Variants in RAB40C observed in about 807,000 individuals in gnomAD.
The protein encoded by RAB40C is ras-related protein Rab-40C.
A neutral mutation model predicts 28.1 loss-of-function variants in RAB40C; 8 were observed. The ratio of observed to expected loss-of-function variants is 0.28; its 90% CI spans 0.17 to 0.51. RAB40C has a LOEUF of 0.51. RAB40C is among the 20% of genes least tolerant of loss of function. The pLI, the probability that RAB40C is intolerant of heterozygous loss-of-function variation, is 0.97. For synonymous variants in RAB40C, 201 were observed against 171.7 expected (o/e 1.17, Z -1.34); for missense variants, 288 against 405.9 (o/e 0.71, Z 2.50).
chr16:590,412 TC>T lies in RAB40C; in HGVS notation c.125del (p.Pro42ArgfsTer22). The T allele has an allele frequency of 1.9e-6, 3 of 1,589,830 alleles. No homozygotes were observed. The highest frequency in any genetic ancestry group is 1.4e-5 in the African/African-American group (1 of 71,654). On this transcript the variant is annotated frameshift_variant, in exon 1 of 6. Coordinates refer to ENST00000248139, the MANE Select transcript of RAB40C (RefSeq NM_021168.5). LOFTEE classifies it high-confidence loss of function. ...GAGCCTGCAGGACGGCGCGGCAGAG[TC>T]CCCGTACGCCTACAGTAACGGTAAG... ...LESLQDGAAE[S>X]PYAYSNGIDY...
rs779085705 is a variant in RAB40C at position 618,189 on chromosome 16, G to A, written c.204-11G>A. On this transcript the variant is annotated splice_polypyrimidine_tract_variant and intron_variant, in intron 2 of 5. Coordinates refer to ENST00000248139, the MANE Select transcript of RAB40C (RefSeq NM_021168.5). ...CACAGTCCCGGCCCCTCCCCTCCCCGTATGTTTCAGGGACACGTCGGGCCA... is the reference window on the plus strand; with the variant it reads ...CACAGTCCCGGCCCCTCCCCTCCCCATATGTTTCAGGGACACGTCGGGCCA... 23 of 1,610,388 alleles carry A rather than the reference G, an allele frequency of 1.4e-5. No individual in the cohort carries two copies. Among genetic ancestry groups the A allele is most frequent in the African/African-American group, 6.7e-5 (5 of 74,720 alleles).
chr16:600,885 G>C (rs1052125711), intron 1 of RAB40C, among the ~76,000 whole-genome samples: 2 of 152,238 alleles, frequency 1.3e-5, no homozygotes, highest in African/African-American at 4.8e-5. Context: ...TCCAGTCTCT[G>C]TCTTCTGAAG....
rs553597271 is a variant in RAB40C at position 605,575 on chromosome 16, G to A, written c.143-11633G>A. Among the ~76,000 whole-genome samples, 39 of 152,272 alleles carry A rather than the reference G, an allele frequency of 2.6e-4. 1 individual carries two copies. The South Asian group carries it at 5.6e-3, about 22-fold the overall frequency. ...ACACAGGGCAAACTCTCCTGTGTCCGGCTGCCTTCTTTCCATGTCTTCTGG... is the reference window on the plus strand; with the variant it reads ...ACACAGGGCAAACTCTCCTGTGTCCAGCTGCCTTCTTTCCATGTCTTCTGG... On this transcript the variant is annotated intron_variant, in intron 1 of 5. Transcript: ENST00000248139.
intron 3 of RAB40C, among the ~76,000 whole-genome samples, chr16:621,199 G>C (rs968370578): frequency 6.6e-6 from 1 of 152,198 alleles, no homozygotes; most frequent in Non-Finnish European, 1.5e-5. Flanking sequence ...CTCCAGGCGG[G>C]CCTCTGACCG....
intron 3 of RAB40C, among the ~76,000 whole-genome samples, chr16:622,710 T>TGGCCAGGATGGTCTCCATCTC (rs1167617155): frequency 2.0e-5 from 3 of 152,324 alleles, no homozygotes; most frequent in Non-Finnish European, 4.4e-5. Flanking sequence ...TTCACCATGT[T>TGGCCAGGATGGTCTCCATCTC]GGCCAGGATG....
chr16:600,243 G>A (rs933229415), intron 1 of RAB40C, among the ~76,000 whole-genome samples: 33 of 152,240 alleles, frequency 2.2e-4, no homozygotes, highest in Non-Finnish European at 3.5e-4. Context: ...GGTCCTGCCT[G>A]CCCTGGAAAC....
At chr16:592,031 CT>C (rs1340974212) in intron 1 of RAB40C, among the ~76,000 whole-genome samples, 1 of 152,238 alleles carries the variant, frequency 6.6e-6, no homozygotes, top group Non-Finnish European at 1.5e-5. Flanking sequence ...TCCTCATCCC[CT>C]CTCATGGGGG....
intron 1 of RAB40C, among the ~76,000 whole-genome samples, chr16:606,114 C>T (rs1344496808): frequency 1.3e-5 from 2 of 152,164 alleles, no homozygotes; most frequent in African/African-American, 2.4e-5. Flanking sequence ...ATAGTCCTCT[C>T]GGTCCTCAGT....
intron 1 of RAB40C, among the ~76,000 whole-genome samples, chr16:603,454 G>T (rs924165304): frequency 6.6e-6 from 1 of 152,152 alleles, no homozygotes; most frequent in Non-Finnish European, 1.5e-5. Context: ...GGCCCCGCAC[G>T]TGAATGACTT....
chr16:593,478 G>A (rs1429419683), intron 1 of RAB40C, among the ~76,000 whole-genome samples: 2 of 152,248 alleles, frequency 1.3e-5, no homozygotes, highest in Non-Finnish European at 2.9e-5. Context: ...GCTGGGCAGT[G>A]GGTGCCCTTG....
rs992774108 is a variant in RAB40C at position 610,889 on chromosome 16, C to T, written c.143-6319C>T. On this transcript the variant is annotated intron_variant, in intron 1 of 5. Transcript: ENST00000248139. The surrounding 1 kb of genome is among the most constrained non-coding windows in gnomAD (Gnocchi z 4.6). ...GTGACATCCTGGGGCCCTGTGTGGT[C>T]AGAGGGCTCCATGTGGTCAGTGGCT... 6.6e-6 allele frequency among the ~76,000 whole-genome samples: 1 copy of T among 152,168 alleles called. No individual in the cohort carries two copies. The highest frequency in any genetic ancestry group is 1.5e-5 in the Non-Finnish European group (1 of 68,014).
Position 617,248 on chromosome 16 carries a change from G to T in RAB40C, c.183G>T (p.Arg61=), listed in dbSNP as rs1567192001. ...YKTTTILLDG[R]RVKLELWDTS... is the part of the protein sequence containing the mutation. ...CCACCACCATCCTGCTGGACGGCCG[G>T]CGCGTGAAGCTGGAGCTCTGGTGAG... The change falls in exon 2 of 6, where the codon CGG becomes CGT. Residue 61 remains arginine (R), a synonymous_variant. Coordinates refer to ENST00000248139, the MANE Select transcript of RAB40C (RefSeq NM_021168.5). 1.2e-5 allele frequency: 20 copies of T among 1,614,172 alleles called. No individual in the cohort carries two copies. Among genetic ancestry groups the T allele is most frequent in the Non-Finnish European group, 1.7e-5 (20 of 1,180,022 alleles).
At chr16:592,594 G>A (rs1316555199) in intron 1 of RAB40C, among the ~76,000 whole-genome samples, 1 of 152,270 alleles carries the variant, frequency 6.6e-6, no homozygotes, top group African/African-American at 2.4e-5. Context: ...CCTGACTCAG[G>A]TGGTGGGCGG....
intron 1 of RAB40C, 96 bp from the exon 2 acceptor site, chr16:617,112 G>A (rs1330548628): frequency 7.8e-7 from 1 of 1,281,084 alleles, no homozygotes; most frequent in Non-Finnish European, 1.1e-6. Context: ...ACTTCCGCGT[G>A]GGTCTTGGCC....
intron 3 of RAB40C, among the ~76,000 whole-genome samples, chr16:623,161 T>C (rs768949098): frequency 4.6e-5 from 7 of 152,198 alleles, no homozygotes; most frequent in Non-Finnish European, 8.8e-5. Flanking sequence ...ACTTGGAGCC[T>C]GAGGCAGCCC....
intron 3 of RAB40C, among the ~76,000 whole-genome samples, chr16:622,450 G>A (rs1025782793): frequency 9.2e-5 from 14 of 152,298 alleles, no homozygotes; most frequent in Non-Finnish European, 1.9e-4. Flanking sequence ...GCGGCTCCTA[G>A]AGGGGCCTAG....
At chr16:605,906 G>A (rs1319317315) in intron 1 of RAB40C, among the ~76,000 whole-genome samples, 3 of 152,236 alleles carry the variant, frequency 2.0e-5, no homozygotes, top group Non-Finnish European at 4.4e-5. Context: ...GGAGAGTCCT[G>A]TTTGTTCTAA....
chr16:617,034 G>A, intron 1 of RAB40C, 174 bp from the exon 2 acceptor site: 1 of 675,630 alleles, frequency 1.5e-6, no homozygotes, highest in Non-Finnish European at 2.6e-6. Flanking sequence ...GGCAGGCCTG[G>A]GTTGCTGGGC....
intron 1 of RAB40C, 27 bp downstream of exon 1, chr16:590,460 G>C (rs749892607): frequency 1.3e-6 from 2 of 1,532,504 alleles, no homozygotes; most frequent in South Asian, 2.4e-5. Context: ...GGCGCGCGCT[G>C]CTACGCGGGG....
Sources: gnomAD v4.1 joint callset for allele counts (sites outside exome capture counted in the v4.1 genomes callset) on GRCh38, gnomAD v4.1.1 for gene constraint, Gnocchi (gnomAD v3.1) non-coding constraint, MANE v1.5 for transcripts, NCBI Gene and HGNC (gene_info 2026-07-23, HGNC 2026-07-21) for gene names.